The following NDUFB11 variants were observed in gnomAD, a reference collection of about 807,000 sequenced individuals.
NDUFB11 encodes NADH:ubiquinone oxidoreductase subunit B11, also known as NADH dehydrogenase [ubiquinone] 1 beta subcomplex subunit 11, mitochondrial.
For synonymous variants in NDUFB11, 51 were observed against 57.4 expected (o/e 0.89, Z 0.51); for missense variants, 108 against 133.8 (o/e 0.81, Z 0.95).
intron 1 of NDUFB11, 28 bp downstream of exon 1, chrX:47,144,445 T>TTGCCC: frequency 4.9e-5 from 3 of 60,996 alleles, no homozygotes; most frequent in Non-Finnish European, 7.9e-5. Flanking sequence ...CCGTCCCCAC[T>TTGCCC]ACCCCCCCCC....
upstream of NDUFB11, chrX:47,144,782 T>A (rs1931973291): frequency 2.6e-6 from 2 of 770,709 alleles, no homozygotes; most frequent in Non-Finnish European, 3.6e-6. Flanking sequence ...TCCGCCACGC[T>A]ATATAGGTCC....
At chrX:47,142,799 C>A (rs1006508801) in intron 1 of NDUFB11, 55 bp from the exon 2 acceptor site, 6 of 1,146,643 alleles carry the variant, frequency 5.2e-6, no homozygotes, top group Non-Finnish European at 7.0e-6. Flanking sequence ...AAGCCTTATT[C>A]TGGCCCTGCA....
At chrX:47,143,938 G>C (rs1415290924) in intron 1 of NDUFB11, among the ~76,000 whole-genome samples, 2 of 111,486 alleles carry the variant, frequency 1.8e-5, no homozygotes, top group Non-Finnish European at 3.8e-5. Flanking sequence ...TAATAATAGA[G>C]CCCACCTCGA....
intron 1 of NDUFB11, among the ~76,000 whole-genome samples, chrX:47,144,090 G>A (rs1448913440): frequency 1.9e-5 from 2 of 107,474 alleles, no homozygotes; most frequent in African/African-American, 6.8e-5. Context: ...CCAGGAGTTC[G>A]AGACCAGCCT....
At chrX:47,144,445 T>TCCCCCCCC (rs1569162233) in intron 1 of NDUFB11, 28 bp downstream of exon 1, 7 of 58,995 alleles carry the variant, frequency 1.2e-4, no homozygotes, top group Admixed American at 1.8e-4. Context: ...CCGTCCCCAC[T>TCCCCCCCC]ACCCCCCCCC....
chrX:47,143,442 G>A (rs1931839452), intron 1 of NDUFB11, among the ~76,000 whole-genome samples: 1 of 111,985 alleles, frequency 8.9e-6, no homozygotes, highest in South Asian at 3.7e-4. Context: ...TTTACAGAAT[G>A]AACAAGCATC....
intron 1 of NDUFB11, 27 bp downstream of exon 1, chrX:47,144,446 A>AGGG: frequency 1.9e-5 from 1 of 53,658 alleles, no homozygotes; most frequent in Non-Finnish European, 3.3e-5. Context: ...CGTCCCCACT[A>AGGG]CCCCCCCCCC....
At chrX:47,144,768 C>G, upstream of NDUFB11, 1 of 871,183 alleles carries the variant, frequency 1.1e-6, no homozygotes, top group South Asian at 2.7e-5. Flanking sequence ...ATCATCGCCC[C>G]GCCTCCGCCA....
chrX:47,144,450 C>CGA, intron 1 of NDUFB11, 23 bp downstream of exon 1: 2 of 54,198 alleles, frequency 3.7e-5, no homozygotes, highest in Non-Finnish European at 5.5e-5. Context: ...CCCACTACCC[C>CGA]CCCCCCCCCC....
At chrX:47,145,483 A>G, upstream of NDUFB11, 2 of 1,153,282 alleles carry the variant, frequency 1.7e-6, no homozygotes, top group Middle Eastern at 2.5e-4. Flanking sequence ...CCGGGCCGAG[A>G]AGGTGAGCGT....
upstream of NDUFB11, chrX:47,144,853 G>A (rs782476757): frequency 6.7e-5 from 30 of 445,389 alleles, no homozygotes; most frequent in South Asian, 1.3e-3. Context: ...GCCTCCAGTT[G>A]TCGTGGCTTC....
At chrX:47,145,351 T>TC, upstream of NDUFB11, 1 of 949,133 alleles carries the variant, frequency 1.1e-6, no homozygotes, top group Non-Finnish European at 1.5e-6. Context: ...GCTTCTCCCC[T>TC]CCCCCCGATC....
chrX:47,144,519 G>T lies in NDUFB11; in HGVS notation c.161C>A (p.Pro54Gln). ...AGKRPPEPTTPWQEDPEPEDE... is the reference protein window; with the variant it reads ...AGKRPPEPTTQWQEDPEPEDE... ...CTCGGGTTCTGGGTCCTCTTGCCAC[G>T]GTGTGGTCGGTTCTGGGGGCCGCTT... is the stretch of plus-strand genomic sequence containing the variant. The change falls in exon 1 of 3, where the codon CCG becomes CAG. Residue 54 changes from proline (P) to glutamine (Q), a missense_variant. By Grantham distance (76) the Pro-to-Gln change is moderately conservative. Transcript: ENST00000377811. 1 of 1,094,159 alleles carries T rather than the reference G, an allele frequency of 9.1e-7. No homozygotes were observed. The highest frequency in any genetic ancestry group is 1.2e-6 in the Non-Finnish European group (1 of 830,112). The allele number at this position is 1,094,159 out of a possible 1,213,427, so 90.2% of individuals were successfully genotyped here.
At chrX:47,145,283 C>A, upstream of NDUFB11, 1 of 554,039 alleles carries the variant, frequency 1.8e-6, no homozygotes, top group Non-Finnish European at 3.0e-6. Flanking sequence ...GAGCTGGTGA[C>A]TGTGGCCGGC....
intron 1 of NDUFB11, among the ~76,000 whole-genome samples, chrX:47,144,066 G>A (rs1931877553): frequency 9.2e-6 from 1 of 109,175 alleles, no homozygotes; most frequent in Non-Finnish European, 1.9e-5. Flanking sequence ...GCCGAGGCGA[G>A]AGGATCGCTT....
At chrX:47,145,358 G>C (rs181770538), upstream of NDUFB11, 13 of 992,694 alleles carry the variant, frequency 1.3e-5, no homozygotes, top group Non-Finnish European at 1.8e-5. Context: ...CCCTCCCCCC[G>C]ATCTGCCTCC....
chrX:47,142,494 C>A, intron 2 of NDUFB11, 54 bp from the exon 3 acceptor site: 4 of 1,204,446 alleles, frequency 3.3e-6, no homozygotes, highest in Non-Finnish European at 3.4e-6. Context: ...TGATACCAAT[C>A]CCTCATCTCA....
intron 1 of NDUFB11, among the ~76,000 whole-genome samples, chrX:47,143,533 T>TCA (rs781876140): frequency 3.0e-3 from 338 of 112,581 alleles, no homozygotes; most frequent in Non-Finnish European, 4.8e-3. Flanking sequence ...TAGAAACACC[T>TCA]CACAATATCT....
At chrX:47,143,059 T>C (rs1256960545) in intron 1 of NDUFB11, among the ~76,000 whole-genome samples, 2 of 112,123 alleles carry the variant, frequency 1.8e-5, no homozygotes, top group Non-Finnish European at 3.8e-5. Flanking sequence ...GCTATTTTTA[T>C]AGGTCACAAA....
Sources: gnomAD v4.1 joint callset for allele counts (sites outside exome capture counted in the v4.1 genomes callset) on GRCh38, gnomAD v4.1.1 for gene constraint, MANE v1.5 for transcripts, NCBI Gene and HGNC (gene_info 2026-07-23, HGNC 2026-07-21) for gene names.